The following PCDH15 variants were observed in gnomAD, a reference collection of about 807,000 sequenced individuals.
PCDH15 encodes protocadherin-15.
PCDH15 carries 129 observed loss-of-function variants against 178.5 expected under a neutral mutation model. The observed-to-expected ratio is 0.72, with a 90% CI of 0.63 to 0.84. The LOEUF (loss-of-function observed/expected upper bound fraction) is 0.84. PCDH15 is among the 40% of genes least tolerant of loss of function. PCDH15 has a pLI of 0.00. For synonymous variants in PCDH15, 800 were observed against 732.0 expected (o/e 1.09, Z -1.50); for missense variants, 2,230 against 2,099.9 (o/e 1.06, Z -1.21).
At chr10:54,968,472 G>A (rs972698450) in intron 2 of PCDH15, among the ~76,000 whole-genome samples, 4 of 150,394 alleles carry the variant, frequency 2.7e-5, no homozygotes, top group African/African-American at 9.8e-5. Context: ...TTCTAAAAAT[G>A]CTTCTTGGCA....
intron 3 of PCDH15, among the ~76,000 whole-genome samples, chr10:54,392,629 T>C (rs1950698306): frequency 6.6e-6 from 1 of 151,882 alleles, no homozygotes; most frequent in Non-Finnish European, 1.5e-5. Flanking sequence ...CCAGGCACGC[T>C]GGCTCATGCT....
intron 2 of PCDH15, among the ~76,000 whole-genome samples, chr10:54,561,922 T>A (rs2133376611): frequency 6.7e-6 from 1 of 148,894 alleles, no homozygotes; most frequent in South Asian, 2.2e-4. Context: ...GACCTCATTA[T>A]CTGCCCACCT....
chr10:54,730,495 C>A (rs1264431724), intron 1 of PCDH15, among the ~76,000 whole-genome samples: 2 of 151,520 alleles, frequency 1.3e-5, no homozygotes, highest in Non-Finnish European at 3.0e-5. Context: ...GCCCCCATGG[C>A]ATGCAATTTA....
At chr10:54,435,826 C>T (rs551909916) in intron 3 of PCDH15, among the ~76,000 whole-genome samples, 16 of 151,830 alleles carry the variant, frequency 1.1e-4, no homozygotes, top group East Asian at 1.9e-4. Context: ...AAAAATTAGC[C>T]GGTCGTGGTG....
intron 37 of PCDH15, chr10:53,808,099 T>G (rs1205718331): frequency 6.6e-6 from 1 of 152,098 alleles, no homozygotes; most frequent in African/African-American, 2.4e-5. Flanking sequence ...GAAAATAAGC[T>G]GTAATAACTT....
At chr10:54,957,969 A>T (rs963728303) in intron 2 of PCDH15, among the ~76,000 whole-genome samples, 3 of 151,722 alleles carry the variant, frequency 2.0e-5, no homozygotes, top group African/African-American at 7.2e-5. Flanking sequence ...GGAAGAAAAA[A>T]GGTTGACCCA....
At chr10:55,215,078 G>A (rs924579711) in intron 1 of PCDH15, among the ~76,000 whole-genome samples, 1 of 152,062 alleles carries the variant, frequency 6.6e-6, no homozygotes, top group East Asian at 1.9e-4. Flanking sequence ...AGTAGAGTTT[G>A]AAGTTGAAAA....
chr10:54,867,642 A>G (rs1953964196), intron 3 of PCDH15, among the ~76,000 whole-genome samples: 1 of 152,150 alleles, frequency 6.6e-6, no homozygotes, highest in Admixed American at 6.6e-5. Context: ...GATAAATGTC[A>G]TGGTCTTTAA....
intron 3 of PCDH15, among the ~76,000 whole-genome samples, chr10:54,860,553 T>C (rs72798520): frequency 0.098 from 14,936 of 152,262 alleles, 935 homozygotes; most frequent in Admixed American, 0.14. Flanking sequence ...AATCCACCTC[T>C]GATGGGCACC....
At chr10:55,003,388 G>A (rs1467689776) in intron 2 of PCDH15, among the ~76,000 whole-genome samples, 1 of 151,116 alleles carries the variant, frequency 6.6e-6, no homozygotes, top group Non-Finnish European at 1.5e-5. Context: ...GGTAGATCAG[G>A]AGTTGATTGC....
chr10:55,376,857 G>T (rs1308853860), intron 2 of PCDH15, among the ~76,000 whole-genome samples: 1 of 151,902 alleles, frequency 6.6e-6, no homozygotes, highest in Non-Finnish European at 1.5e-5. Flanking sequence ...TTACTAAGCA[G>T]GTCAAAATGT....
chr10:55,601,571 T>A (rs976421553), intron 2 of PCDH15, among the ~76,000 whole-genome samples: 3 of 152,094 alleles, frequency 2.0e-5, no homozygotes, highest in African/African-American at 7.2e-5. Context: ...TTAGGTGGAT[T>A]GAAATAATGG....
intron 3 of PCDH15, among the ~76,000 whole-genome samples, chr10:54,861,449 T>A (rs1168846494): frequency 1.3e-5 from 2 of 151,954 alleles, no homozygotes; most frequent in African/African-American, 4.8e-5. Flanking sequence ...AGACCAATAG[T>A]GAGTAGTAAA....
At chr10:54,974,195 T>C (rs1264849628) in intron 2 of PCDH15, among the ~76,000 whole-genome samples, 1 of 152,008 alleles carries the variant, frequency 6.6e-6, no homozygotes, top group African/African-American at 2.4e-5. Flanking sequence ...TATATGGTAA[T>C]TTAACAGTCT....
chr10:54,751,817 T>C (rs941396987), intron 1 of PCDH15, among the ~76,000 whole-genome samples: 1 of 152,140 alleles, frequency 6.6e-6, no homozygotes, highest in African/African-American at 2.4e-5. Flanking sequence ...TCAAGTCCCA[T>C]CAGATTAGCA....
chr10:54,665,139 C>A (rs931048367), intron 1 of PCDH15, among the ~76,000 whole-genome samples: 1 of 151,576 alleles, frequency 6.6e-6, no homozygotes, highest in African/African-American at 2.4e-5. Context: ...AGAGGACAAG[C>A]AGACAAAGGA....
At chr10:54,602,958 C>CGAT (rs1209266376) in intron 2 of PCDH15, among the ~76,000 whole-genome samples, 1 of 151,846 alleles carries the variant, frequency 6.6e-6, no homozygotes, top group African/African-American at 2.4e-5. Flanking sequence ...GTTATCAGGT[C>CGAT]GATGCTGGCT....
At chr10:55,400,323 C>T (rs1838031995) in intron 2 of PCDH15, among the ~76,000 whole-genome samples, 1 of 152,096 alleles carries the variant, frequency 6.6e-6, no homozygotes, top group South Asian at 2.1e-4. Context: ...CCCTTCAAGT[C>T]TCTGCCACCA....
intron 14 of PCDH15, among the ~76,000 whole-genome samples, chr10:54,144,173 T>C (rs929609317): frequency 1.3e-5 from 2 of 152,078 alleles, no homozygotes; most frequent in African/African-American, 2.4e-5. Flanking sequence ...AAATCACCTG[T>C]AGTATGACGC....
Sources: gnomAD v4.1 joint callset for allele counts (sites outside exome capture counted in the v4.1 genomes callset) on GRCh38, gnomAD v4.1.1 for gene constraint, MANE v1.5 for transcripts, NCBI Gene and HGNC (gene_info 2026-07-23, HGNC 2026-07-21) for gene names.